Variants in FCHSD2 observed in about 807,000 individuals in gnomAD.
FCHSD2 encodes F-BAR and double SH3 domains protein 2.
Under a neutral mutation model 108.1 loss-of-function variants are expected in FCHSD2, and 38 were observed. The observed-to-expected ratio is 0.35, with a 90% CI of 0.27 to 0.46. FCHSD2 has a LOEUF of 0.46. FCHSD2 is among the 20% of genes least tolerant of loss of function. FCHSD2 has a pLI of 1.00. For missense variants in FCHSD2, 751 were observed against 897.8 expected (o/e 0.84, Z 2.09); for synonymous variants, 279 against 314.7 (o/e 0.89, Z 1.20).
At chr11:73,035,337 C>T (rs1239513899) in intron 3 of FCHSD2, among the ~76,000 whole-genome samples, 1 of 152,034 alleles carries the variant, frequency 6.6e-6, no homozygotes, top group Non-Finnish European at 1.5e-5. Flanking sequence ...CTACTCCTGG[C>T]TTGTATTTTT....
Position 73,047,386 on chromosome 11 carries a change from T to C in FCHSD2, c.166-31501A>G, listed in dbSNP as rs1321758122. Reference sequence around the variant, plus strand: ...TCAAGGTTATAAGAAAAAAATATGATCCCCTATAATACTCAAAAGCATGAT... The same window carrying C: ...TCAAGGTTATAAGAAAAAAATATGACCCCCTATAATACTCAAAAGCATGAT... On this transcript the variant is annotated intron_variant, in intron 3 of 19. Transcript: ENST00000409418. Among the ~76,000 whole-genome samples, 3 of 152,144 alleles carry C rather than the reference T, an allele frequency of 2.0e-5. 1 individual carries two copies. The South Asian group carries it at 6.2e-4, about 32-fold the overall frequency.
intron 8 of FCHSD2, among the ~76,000 whole-genome samples, chr11:72,983,293 CAAA>C (rs558732342): frequency 9.4e-6 from 1 of 105,984 alleles, no homozygotes; most frequent in Admixed American, 1.0e-4. Flanking sequence ...GACTCCGTCT[CAAA>C]AAAAAAAAAA....
chr11:73,052,634 C>A (rs973239551), intron 3 of FCHSD2, among the ~76,000 whole-genome samples: 9 of 151,994 alleles, frequency 5.9e-5, no homozygotes, highest in African/African-American at 2.2e-4. Flanking sequence ...AGTGTTTCTG[C>A]AAGATAAAAA....
Position 72,905,358 on chromosome 11 carries a change from T to C in FCHSD2, c.829-2720A>G, listed in dbSNP as rs192372894. On this transcript the variant is annotated intron_variant, in intron 9 of 19. Transcript: ENST00000409418. ...TATTTTGATACAGGACTACAATGTG[T>C]AATAATCATATCAAGGTAAATGGGG... Among the ~76,000 whole-genome samples, 467 of 152,314 alleles carry C rather than the reference T, an allele frequency of 3.1e-3. 2 individuals carry two copies. Among genetic ancestry groups the C allele is most frequent in the African/African-American group, 0.011 (448 of 41,564 alleles).
intron 8 of FCHSD2, among the ~76,000 whole-genome samples, chr11:72,979,955 A>T (rs796192951): frequency 1.2e-4 from 19 of 152,324 alleles, no homozygotes; most frequent in African/African-American, 4.6e-4. Flanking sequence ...AATGTCCAGG[A>T]AATACGAAAA....
chr11:73,059,974 G>A (rs1387571998), intron 3 of FCHSD2, among the ~76,000 whole-genome samples: 1 of 152,140 alleles, frequency 6.6e-6, no homozygotes, highest in Non-Finnish European at 1.5e-5. Flanking sequence ...ACATTCTCAG[G>A]TATTCCTGTT....
chr11:72,946,595 G>A (rs1451352714), intron 8 of FCHSD2, among the ~76,000 whole-genome samples: 4 of 151,974 alleles, frequency 2.6e-5, no homozygotes, highest in Non-Finnish European at 5.9e-5. Context: ...TGCTCAAAAT[G>A]TCAATACCTG....
At chr11:72,956,821 G>C (rs1018726729) in intron 8 of FCHSD2, among the ~76,000 whole-genome samples, 3 of 12,694 alleles carry the variant, frequency 2.4e-4, no homozygotes, top group African/African-American at 9.9e-4. Flanking sequence ...TGATTTCATA[G>C]TGGAAAAAAA....
At chr11:72,902,794 T>C (rs1218390512) in intron 9 of FCHSD2, among the ~76,000 whole-genome samples, 156 bp from the exon 10 acceptor site, 1 of 152,228 alleles carries the variant, frequency 6.6e-6, no homozygotes, top group Non-Finnish European at 1.5e-5. Context: ...TTATTTTTCA[T>C]TTTAGACAAT....
At position 73,082,335 on chromosome 11, in the gene FCHSD2, C is replaced by CCAAAAAAAAAAAAA. The variant is rs1466695525; in HGVS notation, c.165+1359_165+1360insTTTTTTTTTTTTTG. On this transcript the variant is annotated intron_variant, in intron 3 of 19. Transcript: ENST00000409418. Reference sequence around the variant, plus strand: ...CTGGATCACAGAGTGAGACTTGTCCCAAAAAAAAAAAAAAAAAAAAAAAAA... The same window carrying CCAAAAAAAAAAAAA: ...CTGGATCACAGAGTGAGACTTGTCCCCAAAAAAAAAAAAAAAAAAAAAAAAAAAAAAAAAAAAAA... Among the ~76,000 whole-genome samples, 2 of 34,462 alleles carry CCAAAAAAAAAAAAA rather than the reference C, an allele frequency of 5.8e-5. 1 individual carries two copies. The highest frequency in any genetic ancestry group is 2.2e-4 in the African/African-American group (2 of 9,292). 22.6% of individuals were successfully genotyped at this position (34,462 alleles called of 152,430 possible).
chr11:72,986,350 C>T (rs1180390484), intron 6 of FCHSD2, among the ~76,000 whole-genome samples: 1 of 152,092 alleles, frequency 6.6e-6, no homozygotes, highest in Admixed American at 6.5e-5. Flanking sequence ...GCTGGGACTA[C>T]AGGCGCCTGC....
intron 8 of FCHSD2, among the ~76,000 whole-genome samples, chr11:72,929,244 G>C (rs1856141552): frequency 6.6e-6 from 1 of 152,160 alleles, no homozygotes; most frequent in South Asian, 2.1e-4. Context: ...ACCCAGTAAT[G>C]GGATGGCTAG....
chr11:73,050,883 A>AT (rs1223161470), intron 3 of FCHSD2, among the ~76,000 whole-genome samples: 5 of 152,234 alleles, frequency 3.3e-5, no homozygotes, highest in African/African-American at 1.2e-4. Context: ...ATGGCCTTCT[A>AT]TTAGTCTCTA....
chr11:73,025,625 G>C (rs1183891238), intron 3 of FCHSD2, among the ~76,000 whole-genome samples: 9 of 151,936 alleles, frequency 5.9e-5, no homozygotes, highest in Admixed American at 5.9e-4. Context: ...ACCTGCACTT[G>C]TACCCCTGAA....
chr11:73,059,920 A>T (rs1859121513), intron 3 of FCHSD2, among the ~76,000 whole-genome samples: 1 of 152,228 alleles, frequency 6.6e-6, no homozygotes, highest in Non-Finnish European at 1.5e-5. Context: ...TTATATCTGC[A>T]GAAATTCTAC....
At chr11:73,016,101 G>C (rs1857965727) in intron 3 of FCHSD2, among the ~76,000 whole-genome samples, 1 of 152,054 alleles carries the variant, frequency 6.6e-6, no homozygotes. Flanking sequence ...TCAGGAGTTT[G>C]AGACCAGCTT....
intron 8 of FCHSD2, among the ~76,000 whole-genome samples, chr11:72,974,459 T>C (rs1857069094): frequency 6.6e-6 from 1 of 152,186 alleles, no homozygotes; most frequent in South Asian, 2.1e-4. Flanking sequence ...TTCCAACACA[T>C]GAACTTTAGA....
chr11:73,117,130 ATT>A (rs1269944328), intron 2 of FCHSD2, among the ~76,000 whole-genome samples: 10 of 152,342 alleles, frequency 6.6e-5, no homozygotes, highest in African/African-American at 2.2e-4. Flanking sequence ...AGAAGCTGGT[ATT>A]TATAAGCTGG....
intron 2 of FCHSD2, among the ~76,000 whole-genome samples, chr11:73,129,751 G>A (rs1219259061): frequency 6.6e-6 from 1 of 152,094 alleles, no homozygotes; most frequent in African/African-American, 2.4e-5. Flanking sequence ...CGCAGTCCAT[G>A]GGAAAACTGT....
Sources: gnomAD v4.1 joint callset for allele counts (sites outside exome capture counted in the v4.1 genomes callset) on GRCh38, gnomAD v4.1.1 for gene constraint, MANE v1.5 for transcripts, NCBI Gene and HGNC (gene_info 2026-07-23, HGNC 2026-07-21) for gene names.